Variants in ROBO2 observed in about 807,000 individuals in gnomAD.
The protein encoded by ROBO2 is roundabout guidance receptor 2.
A neutral mutation model predicts 160.8 loss-of-function variants in ROBO2; 53 were observed. The observed-to-expected ratio is 0.33, with a 90% CI of 0.26 to 0.41. The LOEUF is 0.41. Among genes scored for constraint, ROBO2 ranks in the 10% least tolerant of loss-of-function variants. The pLI is 1.00. For missense variants in ROBO2, 1,577 were observed against 1,722.4 expected (o/e 0.92, Z 1.49); for synonymous variants, 664 against 611.7 (o/e 1.09, Z -1.26).
At chr3:76,124,059 GT>G (rs370279633) in intron 2 of ROBO2, among the ~76,000 whole-genome samples, 487 of 151,774 alleles carry the variant, frequency 3.2e-3, no homozygotes, top group African/African-American at 0.01. Context: ...AAAATAATGA[GT>G]TTTTTTGTTT....
intron 2 of ROBO2, among the ~76,000 whole-genome samples, chr3:77,283,432 C>A (rs142722864): frequency 2.0e-5 from 3 of 152,086 alleles, no homozygotes; most frequent in Admixed American, 1.3e-4. Context: ...AAGGCAAGCA[C>A]CAGCAAAGCA....
At chr3:75,918,360 T>C (rs562495823) in intron 1 of ROBO2, among the ~76,000 whole-genome samples, 1 of 152,304 alleles carries the variant, frequency 6.6e-6, no homozygotes, top group South Asian at 2.1e-4. Flanking sequence ...GTGGTGTTAT[T>C]TCTGAGGCCT....
intron 2 of ROBO2, among the ~76,000 whole-genome samples, chr3:76,498,466 A>G (rs1251100505): frequency 6.6e-6 from 1 of 152,030 alleles, no homozygotes; most frequent in Non-Finnish European, 1.5e-5. Flanking sequence ...TATCACCACA[A>G]ATAAATAAAT....
At chr3:76,003,221 C>T (rs1489000396) in intron 2 of ROBO2, among the ~76,000 whole-genome samples, 2 of 152,092 alleles carry the variant, frequency 1.3e-5, no homozygotes, top group Admixed American at 6.6e-5. Context: ...CTGGCAGCTC[C>T]CCATACTCTG....
chr3:77,075,575 C>CT (rs2067884549), intron 1 of ROBO2, among the ~76,000 whole-genome samples: 1 of 148,216 alleles, frequency 6.7e-6, no homozygotes, highest in South Asian at 2.2e-4. Flanking sequence ...GAAAAAGTAA[C>CT]TTTTTTGCAT....
chr3:76,699,294 G>A (rs1445584996), intron 2 of ROBO2, among the ~76,000 whole-genome samples: 2 of 152,164 alleles, frequency 1.3e-5, no homozygotes. Context: ...AAATTTGCAT[G>A]AGAGGCTTTT....
At chr3:76,489,522 G>A (rs2107499896) in intron 2 of ROBO2, among the ~76,000 whole-genome samples, 1 of 152,098 alleles carries the variant, frequency 6.6e-6, no homozygotes, top group Admixed American at 6.6e-5. Context: ...ATAATTTTGT[G>A]GTTCCAAAGT....
At chr3:76,873,227 T>C (rs1004050546) in intron 2 of ROBO2, among the ~76,000 whole-genome samples, 1 of 152,090 alleles carries the variant, frequency 6.6e-6, no homozygotes, top group Non-Finnish European at 1.5e-5. Context: ...TCATGTGCTC[T>C]AGGGCAAGGA....
chr3:77,081,365 T>G (rs1368110814), intron 1 of ROBO2, among the ~76,000 whole-genome samples: 2 of 152,180 alleles, frequency 1.3e-5, no homozygotes, highest in African/African-American at 4.8e-5. Flanking sequence ...ACTGAGCCAG[T>G]GGAGATCCAA....
intron 2 of ROBO2, among the ~76,000 whole-genome samples, chr3:77,362,845 C>T (rs1285623153): frequency 6.6e-6 from 1 of 152,024 alleles, no homozygotes; most frequent in Non-Finnish European, 1.5e-5. Context: ...CAAGGCGGTG[C>T]GTTGAGAGGA....
chr3:76,750,548 C>T (rs1046327948), intron 2 of ROBO2, among the ~76,000 whole-genome samples: 1 of 152,082 alleles, frequency 6.6e-6, no homozygotes, highest in African/African-American at 2.4e-5. Context: ...TTAGAAAACC[C>T]CATCATCTCA....
At chr3:76,428,917 GC>G (rs2076326666) in intron 2 of ROBO2, among the ~76,000 whole-genome samples, 2 of 152,100 alleles carry the variant, frequency 1.3e-5, no homozygotes, top group Admixed American at 6.6e-5. Context: ...TAGCACTTCA[GC>G]CCCAGCTGCC....
At chr3:76,279,736 CACATA>C (rs3039104) in intron 2 of ROBO2, among the ~76,000 whole-genome samples, 101,770 of 151,282 alleles carry the variant, frequency 0.67, 39,504 homozygotes, top group Non-Finnish European at 0.88. Flanking sequence ...CATCAGGATC[CACATA>C]ACATAAGATA....
chr3:77,413,820 C>G (rs1229878986), intron 2 of ROBO2, among the ~76,000 whole-genome samples: 1 of 152,032 alleles, frequency 6.6e-6, no homozygotes, highest in African/African-American at 2.4e-5. Flanking sequence ...GAGAGAGATG[C>G]AAATGTTAAT....
chr3:76,764,574 T>A (rs2108421302), intron 2 of ROBO2, among the ~76,000 whole-genome samples: 1 of 151,890 alleles, frequency 6.6e-6, no homozygotes, highest in East Asian at 2.0e-4. Flanking sequence ...TCCAGGCTCA[T>A]CTTTTACTAC....
At position 76,083,867 on chromosome 3, in the gene ROBO2, G is replaced by A. The variant is rs1309012284; in HGVS notation, c.109+146265G>A. On this transcript the variant is annotated intron_variant, in intron 2 of 26. Coordinates refer to the ROBO2 transcript ENST00000487694. ...AAAATTCCATTATGGCAATCTCAAC[G>A]ATGATGGCAATATGATGGTTACCAC... Among the ~76,000 whole-genome samples the A allele has an allele frequency of 2.0e-5, 3 of 152,096 alleles. No individual in the cohort carries two copies. The East Asian group carries it at 5.8e-4, about 29-fold the overall frequency.
chr3:77,120,285 A>G (rs1392497058), intron 2 of ROBO2, among the ~76,000 whole-genome samples: 1 of 152,214 alleles, frequency 6.6e-6, no homozygotes, highest in East Asian at 1.9e-4. Flanking sequence ...AATGATGTTG[A>G]TATAGCAATC....
chr3:77,086,773 C>A (rs1021079748), intron 1 of ROBO2, among the ~76,000 whole-genome samples: 6 of 152,048 alleles, frequency 3.9e-5, no homozygotes, highest in African/African-American at 1.2e-4. Flanking sequence ...TTTTTCTGGT[C>A]GTGATTTAGC....
At chr3:77,280,589 C>T (rs1012707043) in intron 2 of ROBO2, among the ~76,000 whole-genome samples, 1 of 152,126 alleles carries the variant, frequency 6.6e-6, no homozygotes, top group Non-Finnish European at 1.5e-5. Context: ...AATGAATAAA[C>T]TATTTTTTCC....
Sources: gnomAD v4.1 joint callset for allele counts (sites outside exome capture counted in the v4.1 genomes callset) on GRCh38, gnomAD v4.1.1 for gene constraint, MANE v1.5 for transcripts, NCBI Gene and HGNC (gene_info 2026-07-23, HGNC 2026-07-21) for gene names.